The following CNTN1 variants were observed in gnomAD, a reference collection of about 807,000 sequenced individuals.
CNTN1 encodes the protein contactin 1.
In CNTN1, 38 loss-of-function variants were observed where a neutral mutation model predicts 126.4. The observed-to-expected ratio is 0.30, with a 90% confidence interval of 0.23 to 0.39. CNTN1 has a LOEUF of 0.39. Ranked by LOEUF, CNTN1 falls within the 10% of genes least tolerant of loss-of-function variation. The pLI, the probability that CNTN1 is intolerant of heterozygous loss-of-function variation, is 1.00. For missense variants in CNTN1, 1,009 were observed against 1,248.4 expected, an observed-to-expected ratio of 0.81 and a Z score of 2.89; for synonymous variants, 413 against 422.6, an observed-to-expected ratio of 0.98 and a Z score of 0.28.
At chr12:40,909,164 G>A (rs1051648306) in intron 2 of CNTN1, among the ~76,000 whole-genome samples, 1 of 152,062 alleles carries the variant, frequency 6.6e-6, no homozygotes, top group Non-Finnish European at 1.5e-5. Context: ...TACAGTGTGT[G>A]TAGGGACATA....
intron 1 of CNTN1, among the ~76,000 whole-genome samples, chr12:40,838,606 C>G (rs1490371798): frequency 6.6e-6 from 1 of 152,180 alleles, no homozygotes; most frequent in Admixed American, 6.5e-5. Flanking sequence ...TAGTACCCAG[C>G]ATAACTTCAC....
rs939531715 is a variant in CNTN1 at position 41,060,125 on chromosome 12, C to A, written c.2981-9834C>A. On this transcript the variant is annotated intron_variant, in intron 23 of 23. Coordinates refer to ENST00000551295, the MANE Select transcript of CNTN1 (RefSeq NM_001843.4). Reference sequence around the variant, plus strand: ...TTTTAAGGAAAATTGAGTCTCATGGCCAGTTAGTTTCACTCTTTCTCTTTA... The same window carrying A: ...TTTTAAGGAAAATTGAGTCTCATGGACAGTTAGTTTCACTCTTTCTCTTTA... Among the ~76,000 whole-genome samples the A allele has an allele frequency of 5.3e-5, 8 of 152,210 alleles. No individual in the cohort carries two copies. In the South Asian group the frequency reaches 8.3e-4, roughly 16 times the overall value.
intron 6 of CNTN1, among the ~76,000 whole-genome samples, chr12:40,925,642 G>A (rs746282625): frequency 3.4e-5 from 4 of 118,410 alleles, no homozygotes; most frequent in Admixed American, 3.4e-4. Context: ...TATATATAGA[G>A]AGAGAGAGTT....
At chr12:40,698,228 ATTTTTTTTTTTTTT>A (rs35570862) in intron 1 of CNTN1, among the ~76,000 whole-genome samples, 2 of 69,884 alleles carry the variant, frequency 2.9e-5, no homozygotes, top group Non-Finnish European at 5.1e-5. Flanking sequence ...CAGCCACTTA[ATTTTTTTTTTTTTT>A]TTTTTTTTTT....
intron 1 of CNTN1, among the ~76,000 whole-genome samples, chr12:40,774,766 CTT>C (rs906936272): frequency 6.9e-6 from 1 of 145,550 alleles, no homozygotes; most frequent in African/African-American, 2.5e-5. Flanking sequence ...TACTTTTGGC[CTT>C]TTTTTTTTAT....
intron 1 of CNTN1, among the ~76,000 whole-genome samples, chr12:40,833,144 G>C (rs1003448691): frequency 6.6e-6 from 1 of 151,970 alleles, no homozygotes; most frequent in Non-Finnish European, 1.5e-5. Context: ...CAACCTCCTG[G>C]AGTGCAATGG....
chr12:40,714,256 G>A (rs1667747610), intron 1 of CNTN1, among the ~76,000 whole-genome samples: 1 of 151,960 alleles, frequency 6.6e-6, no homozygotes, highest in African/African-American at 2.4e-5. Context: ...CAAGCAGTTT[G>A]GGCACTTCAT....
chr12:40,980,954 C>A lies in CNTN1; in HGVS notation c.1850C>A (p.Ala617Asp). 6.2e-6 allele frequency: 10 copies of A among 1,613,992 alleles called. No individual in the cohort carries two copies. Among genetic ancestry groups the A allele is most frequent in the Non-Finnish European group, 7.6e-6 (9 of 1,179,910 alleles). Residue 617 changes from alanine (A) to aspartate (D), a missense_variant, in exon 16 of 24, where the codon GCC (alanine) becomes GAC (aspartate). Ala to Asp is a moderately radical substitution (Grantham distance 126). Transcript: ENST00000551295. ...GGTCTGAGAATAGAAGACATTAGAG[C>A]CACTTCTGTGGCACTTACTTGGAGC... The part of the protein sequence containing the change: ...PGGLRIEDIR[A>D]TSVALTWSRG...
chr12:40,693,472 G>T (rs1301911324), intron 1 of CNTN1, among the ~76,000 whole-genome samples: 1 of 152,222 alleles, frequency 6.6e-6, no homozygotes, highest in Non-Finnish European at 1.5e-5. Context: ...GAGTCAGATT[G>T]CTGGGAGCAG....
At chr12:40,701,391 C>T (rs1941591721) in intron 1 of CNTN1, among the ~76,000 whole-genome samples, 1 of 152,118 alleles carries the variant, frequency 6.6e-6, no homozygotes, top group African/African-American at 2.4e-5. Context: ...TGCTTTCTAA[C>T]ATCTCAAACC....
intron 15 of CNTN1, among the ~76,000 whole-genome samples, chr12:40,964,033 G>T (rs766624288): frequency 6.6e-6 from 1 of 151,926 alleles, no homozygotes; most frequent in African/African-American, 2.4e-5. Context: ...AAAGAAATTA[G>T]GCTTTAACTT....
intron 1 of CNTN1, among the ~76,000 whole-genome samples, chr12:40,768,390 T>C (rs1057490168): frequency 2.7e-4 from 41 of 151,388 alleles, no homozygotes; most frequent in African/African-American, 9.7e-4. Context: ...AAACACCTGT[T>C]TGTACTGCTT....
At chr12:40,914,755 G>A (rs1030319932) in intron 3 of CNTN1, among the ~76,000 whole-genome samples, 49 of 152,084 alleles carry the variant, frequency 3.2e-4, no homozygotes, top group African/African-American at 1.1e-3. Context: ...AAATATAAGT[G>A]GGAGTATTGG....
intron 17 of CNTN1, among the ~76,000 whole-genome samples, chr12:40,999,118 G>GA (rs957996078): frequency 1.3e-5 from 2 of 152,006 alleles, no homozygotes; most frequent in Non-Finnish European, 2.9e-5. Flanking sequence ...CTTTTCATGG[G>GA]AAAGAATAGT....
At chr12:40,973,118 A>G (rs1397999927) in intron 15 of CNTN1, among the ~76,000 whole-genome samples, 1 of 152,102 alleles carries the variant, frequency 6.6e-6, no homozygotes, top group Non-Finnish European at 1.5e-5. Flanking sequence ...ATACAGGTTC[A>G]TTTATCTTCC....
At chr12:40,971,706 A>G in intron 15 of CNTN1, 1 of 1,358,366 alleles carries the variant, frequency 7.4e-7, no homozygotes, top group Non-Finnish European at 9.4e-7. Flanking sequence ...ATAATGCTTC[A>G]CTAATACCTT....
chr12:40,806,078 C>CTGT (rs1412368471), intron 1 of CNTN1, among the ~76,000 whole-genome samples: 1 of 152,138 alleles, frequency 6.6e-6, no homozygotes, highest in Admixed American at 6.6e-5. Context: ...AGGTAGAATG[C>CTGT]TGTTGCTTGA....
At chr12:40,927,912 C>T (rs1945750528) in intron 6 of CNTN1, among the ~76,000 whole-genome samples, 1 of 152,064 alleles carries the variant, frequency 6.6e-6, no homozygotes, top group Non-Finnish European at 1.5e-5. Flanking sequence ...CCTTTTCACA[C>T]ATCTCTTATG....
At chr12:40,915,834 G>T (rs1442229984) in intron 3 of CNTN1, among the ~76,000 whole-genome samples, 3 of 151,928 alleles carry the variant, frequency 2.0e-5, no homozygotes, top group Non-Finnish European at 2.9e-5. Flanking sequence ...GTATCAAATT[G>T]TTGCTCCCAA....
Sources: gnomAD v4.1 joint callset for allele counts (sites outside exome capture counted in the v4.1 genomes callset) on GRCh38, gnomAD v4.1.1 for gene constraint, MANE v1.5 for transcripts, NCBI Gene and HGNC (gene_info 2026-07-23, HGNC 2026-07-21) for gene names.